RASAL2: variants seen among roughly 807,000 people sequenced by gnomAD.
RASAL2 encodes ras GTPase-activating protein nGAP.
RASAL2 carries 58 observed loss-of-function variants against 128.9 expected under a neutral mutation model. That is an observed-to-expected ratio of 0.45 (90% CI 0.36 to 0.56). The LOEUF is 0.56. Among genes scored for constraint, RASAL2 ranks in the 20% least tolerant of loss-of-function variants. The pLI, the probability that RASAL2 is intolerant of heterozygous loss-of-function variation, is 0.00. For missense variants in RASAL2, 1,360 were observed against 1,601.6 expected (o/e 0.85, Z 2.57); for synonymous variants, 561 against 580.8 (o/e 0.97, Z 0.49).
chr1:178,224,056 T>C (rs1160633013), intron 1 of RASAL2, among the ~76,000 whole-genome samples: 1 of 152,062 alleles, frequency 6.6e-6, no homozygotes, highest in East Asian at 1.9e-4. Flanking sequence ...ACTGGAGATA[T>C]AAGTAGATGT....
chr1:178,267,172 T>C lies in RASAL2; in HGVS notation c.203-16392T>C, dbSNP rs868080535. Among the ~76,000 whole-genome samples, 6 of 152,366 alleles carry C rather than the reference T, an allele frequency of 3.9e-5. No individual in the cohort carries two copies. The East Asian group carries it at 7.7e-4, about 20-fold the overall frequency. On this transcript the variant is annotated intron_variant, in intron 1 of 17. Transcript: ENST00000367649. The stretch of plus-strand genomic sequence containing the variant: ...TTTTCTTAACAGATTACATTGACTT[T>C]CTCCATCCCTGTTCCCTTTTTCTGA...
chr1:178,243,435 G>A (rs1181590406), intron 1 of RASAL2, among the ~76,000 whole-genome samples: 1 of 152,004 alleles, frequency 6.6e-6, no homozygotes, highest in Admixed American at 6.6e-5. Flanking sequence ...AGCCCTGGTT[G>A]TGGTGCATCC....
chr1:178,423,778 G>A (rs969365827), intron 5 of RASAL2, among the ~76,000 whole-genome samples: 9 of 152,010 alleles, frequency 5.9e-5, no homozygotes, highest in African/African-American at 1.7e-4. Flanking sequence ...ATATCCTGTC[G>A]TATGTTTTCT....
chr1:178,413,486 A>C (rs895879523), intron 4 of RASAL2, among the ~76,000 whole-genome samples: 1 of 152,068 alleles, frequency 6.6e-6, no homozygotes, highest in Non-Finnish European at 1.5e-5. Flanking sequence ...GTTTTCCCCC[A>C]CCTTACTACT....
intron 1 of RASAL2, among the ~76,000 whole-genome samples, chr1:178,130,153 T>C (rs772640183): frequency 8.5e-5 from 13 of 152,166 alleles, no homozygotes; most frequent in Non-Finnish European, 1.6e-4. Context: ...GCATTTAAGA[T>C]AATGTCTCAA....
chr1:178,273,255 T>C (rs1469176556), intron 1 of RASAL2, among the ~76,000 whole-genome samples: 2 of 152,228 alleles, frequency 1.3e-5, no homozygotes, highest in African/African-American at 4.8e-5. Context: ...TGATAAAGGC[T>C]AATGAGGCAA....
At chr1:178,401,872 G>A (rs537078938) in intron 4 of RASAL2, among the ~76,000 whole-genome samples, 6 of 152,150 alleles carry the variant, frequency 3.9e-5, no homozygotes, top group Non-Finnish European at 8.8e-5. Flanking sequence ...TTTAGGGCCC[G>A]CGTCACCCTG....
At chr1:178,187,211 A>G (rs958239726) in intron 1 of RASAL2, among the ~76,000 whole-genome samples, 8 of 152,080 alleles carry the variant, frequency 5.3e-5, no homozygotes, top group African/African-American at 1.9e-4. Flanking sequence ...GCCACTGGCC[A>G]CTGTTTTCAG....
intron 1 of RASAL2, among the ~76,000 whole-genome samples, chr1:178,213,372 C>T (rs558913244): frequency 6.6e-6 from 1 of 152,224 alleles, no homozygotes; most frequent in South Asian, 2.1e-4. Context: ...CATGTGCCTA[C>T]CTTACGACCA....
At chr1:178,273,550 A>C (rs897499444) in intron 1 of RASAL2, among the ~76,000 whole-genome samples, 1 of 152,224 alleles carries the variant, frequency 6.6e-6, no homozygotes, top group Non-Finnish European at 1.5e-5. Flanking sequence ...TGGCATTTTT[A>C]ATTTAGAACT....
At chr1:178,257,529 TATA>T (rs1665428380) in intron 1 of RASAL2, among the ~76,000 whole-genome samples, 1 of 151,896 alleles carries the variant, frequency 6.6e-6, no homozygotes, top group African/African-American at 2.4e-5. Flanking sequence ...ATCATAAGAG[TATA>T]ATAACTTTAT....
intron 1 of RASAL2, among the ~76,000 whole-genome samples, chr1:178,226,372 A>G (rs549353844): frequency 2.0e-5 from 3 of 152,312 alleles, no homozygotes; most frequent in Non-Finnish European, 4.4e-5. Flanking sequence ...AGAAAAACAT[A>G]CAAATGTTTG....
At chr1:178,167,738 T>C (rs1330005540) in intron 1 of RASAL2, among the ~76,000 whole-genome samples, 2 of 152,158 alleles carry the variant, frequency 1.3e-5, no homozygotes, top group African/African-American at 2.4e-5. Context: ...TCTTCCTTTT[T>C]TTTTAAATTT....
chr1:178,319,825 T>C (rs1251718977), intron 3 of RASAL2, among the ~76,000 whole-genome samples: 2 of 152,238 alleles, frequency 1.3e-5, no homozygotes, highest in Non-Finnish European at 1.5e-5. Context: ...AGCTTTGTTC[T>C]GTTGCTGATG....
rs1648533722 is a variant in RASAL2 at position 178,474,476 on chromosome 1, T to A, written c.*1237T>A. Reference sequence around the variant, plus strand: ...AAGAAAATAATGGAAAGTGTCAGGATGGCACATTCCAGTTATTATTCCAAT... The same window carrying A: ...AAGAAAATAATGGAAAGTGTCAGGAAGGCACATTCCAGTTATTATTCCAAT... On this transcript the variant is annotated 3_prime_UTR_variant, in exon 18 of 18. Coordinates refer to ENST00000367649, the MANE Select transcript of RASAL2 (RefSeq NM_170692.4). 2 of 152,182 alleles carry A rather than the reference T, an allele frequency of 1.3e-5. No individual in the cohort carries two copies. The highest frequency in any genetic ancestry group is 1.3e-4 in the Admixed American group (2 of 15,280). The allele number at this position is 152,182 out of a possible 1,614,324, so 9.4% of individuals were successfully genotyped here.
intron 3 of RASAL2, among the ~76,000 whole-genome samples, chr1:178,347,430 A>C (rs542936573): frequency 6.6e-6 from 1 of 152,328 alleles, no homozygotes; most frequent in African/African-American, 2.4e-5. Context: ...GTCTGAAAAA[A>C]TAAATTTTTA....
chr1:178,379,552 G>A (rs1011443666), intron 3 of RASAL2, among the ~76,000 whole-genome samples: 5 of 152,148 alleles, frequency 3.3e-5, no homozygotes, highest in East Asian at 1.9e-4. Flanking sequence ...GCACACTTGC[G>A]TTAATATTTC....
intron 3 of RASAL2, among the ~76,000 whole-genome samples, chr1:178,387,551 A>T (rs1220351267): frequency 7.2e-6 from 1 of 138,870 alleles, no homozygotes; most frequent in East Asian, 2.2e-4. Context: ...CAGTCCCCGG[A>T]GTGTGATGTT....
chr1:178,173,771 T>G (rs569095424), intron 1 of RASAL2, among the ~76,000 whole-genome samples: 1 of 152,208 alleles, frequency 6.6e-6, no homozygotes, highest in East Asian at 1.9e-4. Flanking sequence ...TAGATTTTTT[T>G]GAAACTGTGG....
Sources: allele counts gnomAD v4.1 joint callset (sites outside exome capture counted in the v4.1 genomes callset), GRCh38; gene constraint gnomAD v4.1.1; transcripts MANE v1.5; gene names NCBI Gene and HGNC (gene_info 2026-07-23, HGNC 2026-07-21).